Variants in PIK3R5 observed in about 807,000 individuals in gnomAD.
PIK3R5 encodes phosphoinositide 3-kinase regulatory subunit 5.
In PIK3R5, 32 loss-of-function variants were observed where a neutral mutation model predicts 94.9. The observed-to-expected ratio is 0.34, with a 90% CI of 0.25 to 0.45. The LOEUF (loss-of-function observed/expected upper bound fraction) is 0.45. Ranked by LOEUF, PIK3R5 falls within the 20% of genes least tolerant of loss-of-function variation. The pLI, the probability that PIK3R5 is intolerant of heterozygous loss-of-function variation, is 1.00. For missense variants in PIK3R5, 853 were observed against 1,144.6 expected, an observed-to-expected ratio of 0.75 and a Z score of 3.68; for synonymous variants, 443 against 479.4, an observed-to-expected ratio of 0.92 and a Z score of 0.99.
At chr17:8,934,834 C>T (rs1029678655) in intron 1 of PIK3R5, among the ~76,000 whole-genome samples, 16 of 152,198 alleles carry the variant, frequency 1.1e-4, no homozygotes, top group Non-Finnish European at 1.3e-4. Context: ...CTCTCCCAGC[C>T]CTCTGAAACC....
intron 1 of PIK3R5, among the ~76,000 whole-genome samples, chr17:8,933,287 T>C (rs556010475): frequency 4.6e-5 from 7 of 152,284 alleles, no homozygotes; most frequent in African/African-American, 1.4e-4. Flanking sequence ...TTAATGTTTG[T>C]AAATTTTTCA....
intron 1 of PIK3R5, among the ~76,000 whole-genome samples, chr17:8,917,385 C>G (rs1263992650): frequency 6.6e-6 from 1 of 152,162 alleles, no homozygotes. Context: ...AACAAATTAA[C>G]CTAACTGTAT....
Position 8,897,946 on chromosome 17 carries a change from GTGTGTGTC to G in PIK3R5, c.413-4299_413-4292del, listed in dbSNP as rs370006384. ...GTGTGTGTATGTGTGTGTGTGTGGT[GTGTGTGTC>G]TGTGTGTCTGTGTGTAAAAGAAAAA... On this transcript the variant is annotated intron_variant, in intron 5 of 18. Coordinates refer to ENST00000447110, the MANE Select transcript of PIK3R5 (RefSeq NM_001142633.3). Among the ~76,000 whole-genome samples, 1,387 of 152,230 alleles carry G rather than the reference GTGTGTGTC, an allele frequency of 9.1e-3. 11 individuals carry two copies. The highest frequency in any genetic ancestry group is 0.031 in the African/African-American group (1,293 of 41,524).
intron 14 of PIK3R5, chr17:8,885,016 T>G: frequency 3.8e-6 from 2 of 521,146 alleles, no homozygotes; most frequent in Non-Finnish European, 6.9e-6. Flanking sequence ...TGATCACACA[T>G]TCCCAGGGTC....
At position 8,884,935 on chromosome 17, in the gene PIK3R5, C is replaced by T; in HGVS notation, c.2129-152G>A. 1 of 642,736 alleles carries T rather than the reference C, an allele frequency of 1.6e-6. No homozygotes were observed. The highest frequency in any genetic ancestry group is 2.4e-5 in the Admixed American group (1 of 42,124). The allele number at this position is 642,736 out of a possible 1,614,324, so 39.8% of individuals were successfully genotyped here. A position where few individuals can be genotyped will look rare whatever the true frequency, so the allele number is the denominator to read the frequency against. On this transcript the variant is annotated intron_variant, in intron 14 of 18. Transcript: ENST00000447110. This position sits in a 1 kb window ranked among gnomAD's most constrained non-coding sequence, Gnocchi z 5.8. ...TCTGTCTCACCAAGGCCCTGCCTCT[C>T]TCTCTGGCTCCACGTTCTGGGGATC...
At position 8,890,245 on chromosome 17, in the gene PIK3R5, C is replaced by G. The variant is rs2089989790; in HGVS notation, c.658-119G>C. The G allele has an allele frequency of 9.9e-7, 1 of 1,010,422 alleles. No homozygotes were observed. Among genetic ancestry groups the G allele is most frequent in the Non-Finnish European group, 1.5e-6 (1 of 681,438 alleles). The allele number at this position is 1,010,422 out of a possible 1,614,324, so 62.6% of individuals were successfully genotyped here. A position where few individuals can be genotyped will look rare whatever the true frequency, so the allele number is the denominator to read the frequency against. ...ATCTGTCCCCTCCCAGCCTCATCAC[C>G]CATCTCCTACCCACAGCTGGCCAGG... On this transcript the variant is annotated intron_variant, in intron 7 of 18. Coordinates refer to ENST00000447110, the MANE Select transcript of PIK3R5 (RefSeq NM_001142633.3). The surrounding 1 kb of genome is among the most constrained non-coding windows in gnomAD (Gnocchi z 6.1).
At chr17:8,887,393 G>T in intron 11 of PIK3R5, 128 bp downstream of exon 11, 1 of 1,311,252 alleles carries the variant, frequency 7.6e-7, no homozygotes. Flanking sequence ...CAAGTGCAGG[G>T]AGTGAGGGCC....
chr17:8,961,929 C>G (rs912759538), intron 1 of PIK3R5, among the ~76,000 whole-genome samples: 1 of 152,196 alleles, frequency 6.6e-6, no homozygotes, highest in African/African-American at 2.4e-5. Context: ...GTCACTTAAC[C>G]GATAACCTCA....
At chr17:8,906,089 T>A (rs966176023) in intron 3 of PIK3R5, among the ~76,000 whole-genome samples, 1 of 152,170 alleles carries the variant, frequency 6.6e-6, no homozygotes, top group African/African-American at 2.4e-5. Context: ...GCTGCACCCA[T>A]CAACCTGTCA....
intron 5 of PIK3R5, among the ~76,000 whole-genome samples, chr17:8,899,470 C>T (rs1257327805): frequency 3.3e-5 from 5 of 152,200 alleles, no homozygotes; most frequent in African/African-American, 1.2e-4. Flanking sequence ...CAACATTAAT[C>T]CTCACTAACT....
chr17:8,887,923 C>T (rs904871948), intron 10 of PIK3R5, among the ~76,000 whole-genome samples: 4 of 150,588 alleles, frequency 2.7e-5, no homozygotes, highest in African/African-American at 9.8e-5. Context: ...ATCGCTTGAA[C>T]TGGAGAGCCA....
intron 5 of PIK3R5, among the ~76,000 whole-genome samples, chr17:8,899,071 C>G (rs113899402): frequency 4.3e-4 from 65 of 152,338 alleles, no homozygotes; most frequent in Non-Finnish European, 8.1e-4. Context: ...GTGGTCGGCA[C>G]AGCTATGCAG....
intron 1 of PIK3R5, among the ~76,000 whole-genome samples, 159 bp downstream of exon 1, chr17:8,965,437 A>G (rs1352417907): frequency 2.0e-5 from 3 of 152,192 alleles, no homozygotes; most frequent in African/African-American, 7.2e-5. Flanking sequence ...GCGGTGGGCC[A>G]GGTCCACGGG....
At position 8,888,002 on chromosome 17, in the gene PIK3R5, AAAT is replaced by A. The variant is rs71135929; in HGVS notation, c.1616+166_1616+168del. ...GGCAACAGAGCAAGACTCTGTCTCA[AAAT>A]AATAATAATAATAATAATAATAATA... On this transcript the variant is annotated intron_variant, in intron 10 of 18. Coordinates refer to ENST00000447110, the MANE Select transcript of PIK3R5 (RefSeq NM_001142633.3). This position sits in a 1 kb window ranked among gnomAD's most constrained non-coding sequence, Gnocchi z 7.8. 0.11 allele frequency among the ~76,000 whole-genome samples: 14,248 copies of A among 129,358 alleles called. 811 individuals carry two copies. The highest frequency in any genetic ancestry group is 0.12 in the African/African-American group (4,237 of 34,654). The allele number at this position is 129,358 out of a possible 152,430, so 84.9% of individuals were successfully genotyped here. A position where few individuals can be genotyped will look rare whatever the true frequency, so the allele number is the denominator to read the frequency against.
Position 8,958,657 on chromosome 17 carries a change from T to C in PIK3R5, c.-14+6939A>G, listed in dbSNP as rs183183428. On this transcript the variant is annotated intron_variant, in intron 1 of 18. Transcript: ENST00000447110. ...TGCCTGTCCCTGGGAACTTGGGAGG[T>C]TGCAGACTTTTGTGGCAAAGGAACA... 3.6e-3 allele frequency among the ~76,000 whole-genome samples: 548 copies of C among 152,158 alleles called. 2 individuals carry two copies. The highest frequency in any genetic ancestry group is 0.013 in the African/African-American group (525 of 41,506).
Position 8,911,357 on chromosome 17 carries a change from G to A in PIK3R5, c.103+35C>T. The A allele has an allele frequency of 6.5e-7, 1 of 1,533,422 alleles. No individual in the cohort carries two copies. The highest frequency in any genetic ancestry group is 2.2e-5 in the East Asian group (1 of 44,538). The allele number at this position is 1,533,422 out of a possible 1,614,324, so 95.0% of individuals were successfully genotyped here. On this transcript the variant is annotated intron_variant, in intron 2 of 18. Transcript: ENST00000447110. This position sits in a 1 kb window ranked among gnomAD's most constrained non-coding sequence, Gnocchi z 5.3. ...ACCGTGGCCCCTGAGGCTTCCTTGA[G>A]CCCTCAAACACCTCCCCGGCTCCCT... is the stretch of plus-strand genomic sequence containing the variant.
intron 1 of PIK3R5, among the ~76,000 whole-genome samples, chr17:8,932,849 C>A (rs1425297195): frequency 6.6e-6 from 1 of 151,840 alleles, no homozygotes; most frequent in Non-Finnish European, 1.5e-5. Context: ...CCAAAATGTT[C>A]CCAAATTTAA....
At chr17:8,905,773 C>G (rs376507482) in intron 3 of PIK3R5, 36 bp from the exon 4 acceptor site, 4 of 1,472,322 alleles carry the variant, frequency 2.7e-6, no homozygotes, top group Non-Finnish European at 3.7e-6. Context: ...GAGCCTCATT[C>G]ACGGGGTCCA....
chr17:8,908,244 T>C (rs950682556), intron 3 of PIK3R5, among the ~76,000 whole-genome samples: 2 of 152,158 alleles, frequency 1.3e-5, no homozygotes, highest in African/African-American at 4.8e-5. Flanking sequence ...ATCTTCCTTC[T>C]CTTTATCCTT....
Sources: gnomAD v4.1 joint callset for allele counts (sites outside exome capture counted in the v4.1 genomes callset) on GRCh38, gnomAD v4.1.1 for gene constraint, Gnocchi (gnomAD v3.1) non-coding constraint, MANE v1.5 for transcripts, NCBI Gene and HGNC (gene_info 2026-07-23, HGNC 2026-07-21) for gene names.